Variants in CNBD1 observed in about 807,000 individuals in gnomAD.
The protein encoded by CNBD1 is cyclic nucleotide-binding domain-containing protein 1.
Under a neutral mutation model 54.4 loss-of-function variants are expected in CNBD1, and 71 were observed. The observed-to-expected ratio is 1.30, with a 90% CI of 1.08 to 1.59. The LOEUF (loss-of-function observed/expected upper bound fraction) is 1.59. Ranked by LOEUF, CNBD1 falls within the 40% of genes most tolerant of loss-of-function variation. The probability of loss-of-function intolerance (pLI) is 0.00; values close to 1 mark genes in which losing one functional copy is unlikely to be tolerated. For synonymous variants in CNBD1, 182 were observed against 170.7 expected, an observed-to-expected ratio of 1.07 and a Z score of -0.51; for missense variants, 659 against 518.0, an observed-to-expected ratio of 1.27 and a Z score of -2.64.
intron 4 of CNBD1, among the ~76,000 whole-genome samples, chr8:87,005,910 A>G (rs1176947162): frequency 1.3e-5 from 2 of 152,140 alleles, no homozygotes; most frequent in Non-Finnish European, 2.9e-5. Context: ...CAGGTGTTTG[A>G]AAAATACATT....
At chr8:87,427,391 A>C (rs1293781855) in intron 2 of CNBD1, among the ~76,000 whole-genome samples, 1 of 152,192 alleles carries the variant, frequency 6.6e-6, no homozygotes, top group Admixed American at 6.5e-5. Flanking sequence ...AATATTGATT[A>C]TTCAGTAGGC....
intron 4 of CNBD1, among the ~76,000 whole-genome samples, chr8:86,968,408 G>A (rs1445540411): frequency 6.6e-6 from 1 of 152,046 alleles, no homozygotes; most frequent in Non-Finnish European, 1.5e-5. Context: ...TAAAGAAAGA[G>A]TAAACACTGA....
At chr8:87,160,052 T>A (rs755616820) in intron 4 of CNBD1, among the ~76,000 whole-genome samples, 1 of 152,044 alleles carries the variant, frequency 6.6e-6, no homozygotes, top group Non-Finnish European at 1.5e-5. Context: ...TAGATATATA[T>A]ACACAGATGT....
chr8:86,974,114 GTTTTA>G (rs1248662139), intron 4 of CNBD1, among the ~76,000 whole-genome samples: 3 of 152,014 alleles, frequency 2.0e-5, no homozygotes, highest in Admixed American at 6.6e-5. Flanking sequence ...TGTAATTACA[GTTTTA>G]TTTTATAATT....
chr8:87,258,623 C>T (rs140692078), intron 6 of CNBD1, among the ~76,000 whole-genome samples: 3 of 152,026 alleles, frequency 2.0e-5, no homozygotes, highest in African/African-American at 7.2e-5. Flanking sequence ...ACATGAAAAT[C>T]TTGTTGAAGA....
At chr8:87,129,613 T>C (rs918500928) in intron 4 of CNBD1, among the ~76,000 whole-genome samples, 1 of 152,194 alleles carries the variant, frequency 6.6e-6, no homozygotes, top group East Asian at 1.9e-4. Flanking sequence ...TTTTCCTTTT[T>C]GTTTTTCAAG....
rs372243502 is a variant in CNBD1 at position 86,978,629 on chromosome 8, G to T, written c.431+38875G>T. Among the ~76,000 whole-genome samples the T allele has an allele frequency of 2.2e-5, 3 of 133,964 alleles. No homozygotes were observed. The Admixed American group carries it at 2.7e-4, about 12-fold the overall frequency. 87.9% of individuals were successfully genotyped at this position (133,964 alleles called of 152,430 possible). The stretch of plus-strand genomic sequence containing the variant: ...GCGATCTTGGCTCACTGCAACCTCC[G>T]CATCCCGGGTTCAAGCAATTCTCCT... On this transcript the variant is annotated intron_variant, in intron 4 of 10. Coordinates refer to ENST00000518476, the MANE Select transcript of CNBD1 (RefSeq NM_173538.3).
chr8:87,249,565 T>C (rs1807872974), intron 6 of CNBD1, among the ~76,000 whole-genome samples: 1 of 152,154 alleles, frequency 6.6e-6, no homozygotes, highest in Non-Finnish European at 1.5e-5. Context: ...TAGGTCTATC[T>C]TTCAACCGCA....
downstream of CNBD1, among the ~76,000 whole-genome samples, chr8:87,387,368 G>A (rs1041640139): frequency 1.4e-4 from 21 of 152,076 alleles, no homozygotes; most frequent in East Asian, 7.7e-4. Flanking sequence ...CCCATCTCAC[G>A]TGCCGAGACA....
chr8:87,311,194 A>C (rs561889265), intron 8 of CNBD1, among the ~76,000 whole-genome samples: 1 of 152,066 alleles, frequency 6.6e-6, no homozygotes. Context: ...ATTCACAAAC[A>C]ATATATCCAA....
chr8:87,027,889 G>A (rs1377576429), intron 4 of CNBD1, among the ~76,000 whole-genome samples: 1 of 152,208 alleles, frequency 6.6e-6, no homozygotes, highest in Non-Finnish European at 1.5e-5. Flanking sequence ...AGCTCCAAGT[G>A]TGTCCAAACG....
chr8:86,954,564 T>A (rs941933797), intron 4 of CNBD1, among the ~76,000 whole-genome samples: 1 of 96,246 alleles, frequency 1.0e-5, no homozygotes, highest in African/African-American at 4.3e-5. Flanking sequence ...CTGAACGAGA[T>A]GAAAATTTAC....
At chr8:87,096,790 C>T (rs1175361585) in intron 4 of CNBD1, among the ~76,000 whole-genome samples, 4 of 150,400 alleles carry the variant, frequency 2.7e-5, no homozygotes, top group Non-Finnish European at 5.9e-5. Flanking sequence ...TCTGACTCTG[C>T]TCATTTTTCT....
rs73265815 is a variant in CNBD1 at position 87,221,031 on chromosome 8, G to C, written c.577+14893G>C. Among the ~76,000 whole-genome samples the C allele has an allele frequency of 9.7e-3, 1,470 of 152,116 alleles. 26 individuals are homozygous for C. Among genetic ancestry groups the C allele is most frequent in the African/African-American group, 0.034 (1,394 of 41,516 alleles). Reference sequence around the variant, plus strand: ...TGACTGTGGCTGTCCTGGCCAAGCAGGCTGCCCCTTTTCTTTCTCCATCCT... The same window carrying C: ...TGACTGTGGCTGTCCTGGCCAAGCACGCTGCCCCTTTTCTTTCTCCATCCT... On this transcript the variant is annotated intron_variant, in intron 5 of 10. Transcript: ENST00000518476.
chr8:87,321,383 C>T (rs1809525503), intron 8 of CNBD1, among the ~76,000 whole-genome samples: 1 of 152,112 alleles, frequency 6.6e-6, no homozygotes, highest in South Asian at 2.1e-4. Flanking sequence ...TTGATTGTGG[C>T]CATCCCAACA....
intron 6 of CNBD1, among the ~76,000 whole-genome samples, chr8:87,249,564 C>A (rs933073628): frequency 1.3e-5 from 2 of 152,216 alleles, no homozygotes; most frequent in South Asian, 4.1e-4. Context: ...ATAGGTCTAT[C>A]TTTCAACCGC....
At chr8:86,937,562 C>G (rs1809571405) in intron 3 of CNBD1, among the ~76,000 whole-genome samples, 1 of 152,150 alleles carries the variant, frequency 6.6e-6, no homozygotes, top group Non-Finnish European at 1.5e-5. Context: ...GTTCCCAAAC[C>G]TCAATTTTTG....
At position 86,893,117 on chromosome 8, in the gene CNBD1, A is replaced by G. The variant is rs546617912; in HGVS notation, c.158+5506A>G. Reference sequence around the variant, plus strand: ...CACTAGCTGGCACTCTCAATCCAGAACAGCCCTGTCTTTTGGGATGGCAGA... The same window carrying G: ...CACTAGCTGGCACTCTCAATCCAGAGCAGCCCTGTCTTTTGGGATGGCAGA... On this transcript the variant is annotated intron_variant, in intron 2 of 10. Transcript: ENST00000518476. Among the ~76,000 whole-genome samples the G allele has an allele frequency of 2.0e-5, 3 of 152,198 alleles. No individual in the cohort carries two copies. In the South Asian group the frequency reaches 6.2e-4, roughly 31 times the overall value.
At chr8:87,378,889 C>T in intron 10 of CNBD1, among the ~76,000 whole-genome samples, 3 of 149,044 alleles carry the variant, frequency 2.0e-5, no homozygotes, top group African/African-American at 7.5e-5. Context: ...AAGTTGGATT[C>T]CTAGGTATTT....
Sources: allele counts gnomAD v4.1 joint callset (sites outside exome capture counted in the v4.1 genomes callset), GRCh38; gene constraint gnomAD v4.1.1; transcripts MANE v1.5; gene names NCBI Gene and HGNC (gene_info 2026-07-23, HGNC 2026-07-21).